MAPK14: variants seen among roughly 807,000 people sequenced by gnomAD.
MAPK14 encodes the protein CSAID-binding protein.
In MAPK14, 16 loss-of-function variants were observed where a neutral mutation model predicts 49.6. The ratio of observed to expected loss-of-function variants is 0.32; its 90% confidence interval spans 0.22 to 0.49. The LOEUF (loss-of-function observed/expected upper bound fraction) is 0.49, where lower values mean the gene tolerates loss of function less well. Among genes scored for constraint, MAPK14 ranks in the 20% least tolerant of loss-of-function variants. MAPK14 has a pLI of 0.99. For missense variants in MAPK14, 200 were observed against 441.2 expected (o/e 0.45, Z 4.90); for synonymous variants, 142 against 158.0 (o/e 0.90, Z 0.76).
At chr6:36,112,653 T>C (rs1765995455), downstream of MAPK14, among the ~76,000 whole-genome samples, 1 of 152,250 alleles carries the variant, frequency 6.6e-6, no homozygotes, top group Non-Finnish European at 1.5e-5. Flanking sequence ...GATATTCACA[T>C]TCTTTTTTAT....
chr6:36,035,419 A>G (rs549226813), intron 1 of MAPK14, among the ~76,000 whole-genome samples: 2 of 152,218 alleles, frequency 1.3e-5, no homozygotes, highest in East Asian at 3.9e-4. Flanking sequence ...CCCTCTCTCC[A>G]TCTCCTAAGG....
chr6:36,103,523 T>C (rs1055576335), intron 10 of MAPK14, among the ~76,000 whole-genome samples: 3 of 151,984 alleles, frequency 2.0e-5, no homozygotes, highest in African/African-American at 7.2e-5. Flanking sequence ...AAAGAATTCT[T>C]TGTAGAGACA....
intron 3 of MAPK14, among the ~76,000 whole-genome samples, chr6:36,064,272 C>CCA (rs1358592109): frequency 9.0e-6 from 1 of 111,218 alleles, no homozygotes; most frequent in African/African-American, 3.3e-5. Context: ...GCCACCATGC[C>CCA]CCCCCCCACC....
At chr6:36,092,010 T>C in intron 8 of MAPK14, 1 of 410,180 alleles carries the variant, frequency 2.4e-6, no homozygotes, top group Non-Finnish European at 4.8e-6. Flanking sequence ...GGACGGGCAC[T>C]TCAGATGGCT....
rs1449306863 is a variant in MAPK14, at chr6:36,110,663, A to AT, written c.*2220dup. 1 of 152,460 alleles carries AT rather than the reference A, an allele frequency of 6.6e-6. No homozygotes were observed. The highest frequency in any genetic ancestry group is 1.5e-5 in the Non-Finnish European group (1 of 68,042). The allele number at this position is 152,460 out of a possible 1,614,324, so 9.4% of individuals were successfully genotyped here. ...AAAAGAGAGAATGAGGGAAATTGCT[A>AT]TTTTATTTGTATTCATGAACTTGGC... On this transcript the variant is annotated 3_prime_UTR_variant, in exon 12 of 12. Coordinates refer to ENST00000229794, the MANE Select transcript of MAPK14 (RefSeq NM_139012.3).
intron 1 of MAPK14, among the ~76,000 whole-genome samples, chr6:36,037,227 G>C (rs1159409663): frequency 6.6e-6 from 1 of 152,132 alleles, no homozygotes; most frequent in South Asian, 2.1e-4. Flanking sequence ...CTGAACTCAT[G>C]ATATCTTTGA....
chr6:36,116,811 T>C, the MAPK14 span, among the ~76,000 whole-genome samples: 1 of 152,100 alleles, frequency 6.6e-6, no homozygotes, highest in African/African-American at 2.4e-5. Flanking sequence ...TACTAAAAAG[T>C]AGTTCTTTTA....
chr6:36,057,031 A>G (rs1301861558), intron 2 of MAPK14, among the ~76,000 whole-genome samples: 4 of 152,246 alleles, frequency 2.6e-5, no homozygotes, highest in African/African-American at 4.8e-5. Flanking sequence ...ATTGGGAGGC[A>G]TGTAAGTTGG....
At chr6:36,029,001 A>C (rs1762428265) in intron 1 of MAPK14, 2 of 151,968 alleles carry the variant, frequency 1.3e-5, no homozygotes. Flanking sequence ...TAGTGCCTGC[A>C]AGAACACTGC....
chr6:36,101,502 T>TA (rs199649642), intron 9 of MAPK14, among the ~76,000 whole-genome samples: 2,235 of 151,892 alleles, frequency 0.015, 50 homozygotes, highest in African/African-American at 0.045. Context: ...TTTTTTTTTT[T>TA]AAGACAGGAT....
At chr6:36,069,017 A>G (rs1240906552) in intron 3 of MAPK14, among the ~76,000 whole-genome samples, 3 of 152,156 alleles carry the variant, frequency 2.0e-5, no homozygotes, top group Non-Finnish European at 4.4e-5. Context: ...ATAAAGTCCA[A>G]CTTAACTTAA....
At chr6:36,058,534 T>C (rs547120418) in intron 2 of MAPK14, among the ~76,000 whole-genome samples, 43 of 152,302 alleles carry the variant, frequency 2.8e-4, no homozygotes, top group Non-Finnish European at 3.5e-4. Context: ...GAAAATTAGT[T>C]GGAGTTATTA....
chr6:36,072,968 T>C lies in MAPK14; in HGVS notation c.401T>C (p.Ile134Thr). 6.2e-7 allele frequency: 1 copy of C among 1,601,486 alleles called. No homozygotes were observed. The highest frequency in any genetic ancestry group is 8.6e-7 in the Non-Finnish European group (1 of 1,169,100). ...CATGTTCAGTTCCTTATCTACCAAA[T>C]TCTCCGAGGTCTAAAGGTACAGATA... is the stretch of plus-strand genomic sequence containing the variant. Reference protein sequence around the residue: ...DDHVQFLIYQILRGLKYIHSA... With the variant: ...DDHVQFLIYQTLRGLKYIHSA... Residue 134 changes from isoleucine to threonine, a missense_variant, in exon 4 of 12, where the codon ATT (isoleucine) becomes ACT (threonine). By Grantham distance (89) the Ile-to-Thr change is moderately conservative (BLOSUM62 -1). Coordinates refer to ENST00000229794, the MANE Select transcript of MAPK14 (RefSeq NM_139012.3).
chr6:36,082,744 T>C (rs1009341805), intron 8 of MAPK14, among the ~76,000 whole-genome samples: 4 of 152,128 alleles, frequency 2.6e-5, no homozygotes, highest in African/African-American at 4.8e-5. Flanking sequence ...ACCTCCAACA[T>C]TGGGGATCAC....
At chr6:36,063,447 G>T (rs1309347467) in intron 3 of MAPK14, among the ~76,000 whole-genome samples, 1 of 152,032 alleles carries the variant, frequency 6.6e-6, no homozygotes, top group South Asian at 2.1e-4. Context: ...AAAATTAGCC[G>T]AGCATAGTGG....
At chr6:36,034,897 CTTTTTTTTTT>C (rs200316205) in intron 1 of MAPK14, among the ~76,000 whole-genome samples, 3 of 121,040 alleles carry the variant, frequency 2.5e-5, no homozygotes, top group Admixed American at 8.9e-5. Flanking sequence ...TTCTTTCTTT[CTTTTTTTTTT>C]TTTTTTTTTG....
intron 8 of MAPK14, among the ~76,000 whole-genome samples, chr6:36,082,447 A>G (rs1286769224): frequency 6.6e-6 from 1 of 152,196 alleles, no homozygotes; most frequent in Non-Finnish European, 1.5e-5. Flanking sequence ...ACCTGAAACT[A>G]GGTAATTTAT....
At chr6:36,121,061 A>G in the MAPK14 span, among the ~76,000 whole-genome samples, 19 of 151,760 alleles carry the variant, frequency 1.3e-4, no homozygotes, top group Admixed American at 3.9e-4. Context: ...AGGATGCCCC[A>G]CCCCCCCTCC....
At chr6:36,082,038 T>C (rs574551782) in intron 8 of MAPK14, among the ~76,000 whole-genome samples, 29 of 152,354 alleles carry the variant, frequency 1.9e-4, no homozygotes, top group Non-Finnish European at 3.4e-4. Flanking sequence ...ATTGTTGATA[T>C]ATAGAAACCA....
Sources: gnomAD v4.1 joint callset for allele counts (sites outside exome capture counted in the v4.1 genomes callset) on GRCh38, gnomAD v4.1.1 for gene constraint, MANE v1.5 for transcripts, NCBI Gene and HGNC (gene_info 2026-07-23, HGNC 2026-07-21) for gene names.